The following TXNRD3 variants were observed in gnomAD, a reference collection of about 807,000 sequenced individuals.
The protein encoded by TXNRD3 is TXNRD3 neighbor gene protein.
TXNRD3 carries 68 observed loss-of-function variants against 78.2 expected under a neutral mutation model. That is an observed-to-expected ratio of 0.87 (90% CI 0.72 to 1.06). The LOEUF is 1.06. Among genes scored for constraint, TXNRD3 ranks in the 50% least tolerant of loss-of-function variants. The pLI is 0.00. For synonymous variants in TXNRD3, 296 were observed against 300.1 expected, an observed-to-expected ratio of 0.99 and a Z score of 0.14; for missense variants, 751 against 809.5, an observed-to-expected ratio of 0.93 and a Z score of 0.88.
chr3:126,615,142 T>C lies in TXNRD3; in HGVS notation c.1632+213A>G, dbSNP rs146511986. ...CTTGTAATTCAAGTGTCCTGACTTA[T>C]AGATTACACTTCCCTCTTTCCCAAC... On this transcript the variant is annotated intron_variant, in intron 13 of 15. Transcript: ENST00000524230. 1.1e-3 allele frequency among the ~76,000 whole-genome samples: 162 copies of C among 152,298 alleles called. 1 individual carries two copies. Among genetic ancestry groups the C allele is most frequent in the African/African-American group, 3.6e-3 (150 of 41,572 alleles).
At chr3:126,651,856 A>G (rs147319772) in intron 1 of TXNRD3, among the ~76,000 whole-genome samples, 69 of 152,324 alleles carry the variant, frequency 4.5e-4, no homozygotes, top group Non-Finnish European at 7.4e-4. Context: ...TAGGTATGAA[A>G]AGCATACTAT....
intron 10 of TXNRD3, among the ~76,000 whole-genome samples, chr3:126,627,694 G>A (rs1938610817): frequency 6.6e-6 from 1 of 152,096 alleles, no homozygotes; most frequent in South Asian, 2.1e-4. Flanking sequence ...AGTCTTAAAA[G>A]TCCTTTGACT....
At chr3:126,637,401 T>C (rs956525848) in intron 6 of TXNRD3, among the ~76,000 whole-genome samples, 3 of 152,218 alleles carry the variant, frequency 2.0e-5, no homozygotes, top group Non-Finnish European at 4.4e-5. Flanking sequence ...TTATCAGTTC[T>C]ATTTGGGAAG....
At chr3:126,631,988 G>A in intron 7 of TXNRD3, 109 bp from the exon 8 acceptor site, 1 of 686,474 alleles carries the variant, frequency 1.5e-6, no homozygotes, top group Admixed American at 2.6e-5. Flanking sequence ...AGCAACAGCA[G>A]ACATGTGAAA....
chr3:126,636,414 T>C (rs1278937759), intron 6 of TXNRD3, among the ~76,000 whole-genome samples: 6 of 152,236 alleles, frequency 3.9e-5, no homozygotes, highest in African/African-American at 9.6e-5. Flanking sequence ...TGTCTGATTC[T>C]TGACTTAATT....
chr3:126,620,346 G>C (rs1164995709), intron 12 of TXNRD3, among the ~76,000 whole-genome samples: 3 of 151,576 alleles, frequency 2.0e-5, no homozygotes, highest in Admixed American at 2.0e-4. Context: ...AGGAACAACT[G>C]GGGAAATTGA....
intron 6 of TXNRD3, among the ~76,000 whole-genome samples, chr3:126,638,361 T>G (rs1479121791): frequency 6.6e-6 from 1 of 152,214 alleles, no homozygotes; most frequent in Non-Finnish European, 1.5e-5. Context: ...TGACTTCTCT[T>G]GGCCCTTTAT....
In TXNRD3 at chr3:126,621,828, A is replaced by C; in HGVS notation, c.1438T>G (p.Leu480Val). 6.5e-7 allele frequency: 1 copy of C among 1,535,830 alleles called. No individual in the cohort carries two copies. Among genetic ancestry groups the C allele is most frequent in the Non-Finnish European group, 8.7e-7 (1 of 1,146,802 alleles). ...GGAGTGAGCTCTGGCTTATCCTCCA[A>C]AATATCACCAACAGCATAGACATAT... Residue 480 changes from leucine (L) to valine (V), a missense_variant, in exon 12 of 16, where the codon TTG (leucine) becomes GTG (valine). Physicochemically the swap from Leu to Val is conservative, Grantham distance 32. Coordinates refer to ENST00000524230, the MANE Select transcript of TXNRD3 (RefSeq NM_052883.3).
At chr3:126,654,202 G>T (rs1371268027) in intron 1 of TXNRD3, among the ~76,000 whole-genome samples, 2 of 152,062 alleles carry the variant, frequency 1.3e-5, no homozygotes, top group South Asian at 2.1e-4. Context: ...GAAAAACACA[G>T]CCTATAATTT....
Position 126,646,129 on chromosome 3 carries a change from T to C in TXNRD3, c.396A>G (p.Gly132=). 2 of 1,528,912 alleles carry C rather than the reference T, an allele frequency of 1.3e-6. No homozygotes were observed. 94.7% of individuals were successfully genotyped at this position (1,528,912 alleles called of 1,614,324 possible). A position where few individuals can be genotyped will look rare whatever the true frequency, so the allele number is the denominator to read the frequency against. The change falls in exon 3 of 16, where the codon GGA becomes GGG. Residue 132 remains glycine, a synonymous_variant. Coordinates refer to ENST00000524230, the MANE Select transcript of TXNRD3 (RefSeq NM_052883.3). ...TTATTACCTGGAAAGTTTGGTCACA[T>C]CCACCTACATGCACTTTATTCACGA...
chr3:126,645,249 TCA>T (rs1457660869), intron 3 of TXNRD3, among the ~76,000 whole-genome samples: 5 of 152,218 alleles, frequency 3.3e-5, no homozygotes, highest in African/African-American at 1.2e-4. Flanking sequence ...ATCCACCTCC[TCA>T]GAATCTGCCA....
In TXNRD3 at chr3:126,608,548, G is replaced by C; in HGVS notation, c.1814C>G (p.Thr605Arg). The C allele has an allele frequency of 6.5e-7, 1 of 1,535,908 alleles. No homozygotes were observed. Among genetic ancestry groups the C allele is most frequent in the Non-Finnish European group, 8.7e-7 (1 of 1,146,868 alleles). Reference sequence around the variant, plus strand: ...AATGGTGTCATCAAGTAGCTGTTTTGTGAGCCCACATTTCATTGCAGCTGC... The same window carrying C: ...AATGGTGTCATCAAGTAGCTGTTTTCTGAGCCCACATTTCATTGCAGCTGC... Residue 605 changes from threonine to arginine, a missense_variant, in exon 15 of 16, where the codon ACA (threonine) becomes AGA (arginine). Thr to Arg is a moderately conservative substitution (Grantham distance 71). Coordinates refer to ENST00000524230, the MANE Select transcript of TXNRD3 (RefSeq NM_052883.3).
intron 1 of TXNRD3, among the ~76,000 whole-genome samples, chr3:126,650,466 C>T (rs1310098315): frequency 1.3e-5 from 2 of 152,102 alleles, no homozygotes; most frequent in Non-Finnish European, 2.9e-5. Context: ...CATGGTGAAA[C>T]ACTGTCTGTA....
At chr3:126,637,951 T>C (rs1932948990) in intron 6 of TXNRD3, among the ~76,000 whole-genome samples, 1 of 127,378 alleles carries the variant, frequency 7.9e-6, no homozygotes. Context: ...TTTTTTTTTT[T>C]TTTTTTTTTT....
intron 10 of TXNRD3, among the ~76,000 whole-genome samples, chr3:126,627,272 T>C (rs1324620961): frequency 1.3e-5 from 2 of 152,138 alleles, no homozygotes; most frequent in African/African-American, 4.8e-5. Flanking sequence ...CCTAAAAACA[T>C]CAATCTGAAT....
chr3:126,654,759 G>A lies in TXNRD3; in HGVS notation c.232C>T (p.His78Tyr). Residue 78 changes from histidine (H) to tyrosine (Y), a missense_variant, in exon 1 of 16, where the codon CAT (histidine) becomes TAT (tyrosine). His to Tyr is a moderately conservative substitution (Grantham distance 83, BLOSUM62 2). Transcript: ENST00000524230. ...AGGGCCGCGCCTACCCGAGTACTAT[G>A]GGGACAGTAGCTCTTGCTGAAGATC... is the stretch of plus-strand genomic sequence containing the variant. 2.1e-6 allele frequency: 3 copies of A among 1,406,178 alleles called. No homozygotes were observed. The highest frequency in any genetic ancestry group is 2.0e-4 in the Middle Eastern group (1 of 4,978). The allele number at this position is 1,406,178 out of a possible 1,614,324, so 87.1% of individuals were successfully genotyped here.
In TXNRD3 at chr3:126,607,881, A is replaced by C; in HGVS notation, c.*24T>G. On this transcript the variant is annotated 3_prime_UTR_variant, in exon 16 of 16. Coordinates refer to ENST00000524230, the MANE Select transcript of TXNRD3 (RefSeq NM_052883.3). ...TCTTTGAGAGAAATGAGAATATGAC[A>C]AGGAGAACTAAACAGCAGCAGGCCT... The C allele has an allele frequency of 6.7e-7, 1 of 1,492,074 alleles. No homozygotes were observed. The highest frequency in any genetic ancestry group is 9.0e-7 in the Non-Finnish European group (1 of 1,114,710). 92.4% of individuals were successfully genotyped at this position (1,492,074 alleles called of 1,614,324 possible).
rs1219703914 is a variant in TXNRD3 at position 126,654,870 on chromosome 3, A to C, written c.121T>G (p.Ser41Ala). 1 of 1,333,256 alleles carries C rather than the reference A, an allele frequency of 7.5e-7. No homozygotes were observed. The highest frequency in any genetic ancestry group is 3.2e-5 in the East Asian group (1 of 31,512). The allele number at this position is 1,333,256 out of a possible 1,614,324, so 82.6% of individuals were successfully genotyped here. Residue 41 changes from serine (S) to alanine (A), a missense_variant, in exon 1 of 16, where the codon TCG becomes GCG. By Grantham distance (99) the Ser-to-Ala change is moderately conservative (BLOSUM62 1). Transcript: ENST00000524230. ...GACGAGCGGCTGGGCCCGGGGGACG[A>C]CAGGCGGGCACGGCGCCCCGGCGGC...
chr3:126,612,394 T>C (rs1938219314), intron 13 of TXNRD3, among the ~76,000 whole-genome samples: 2 of 152,166 alleles, frequency 1.3e-5, no homozygotes, highest in Middle Eastern at 6.3e-3. Flanking sequence ...GAAATAGACA[T>C]ATTTCTTTAT....
Sources: gnomAD v4.1 joint callset for allele counts (sites outside exome capture counted in the v4.1 genomes callset) on GRCh38, gnomAD v4.1.1 for gene constraint, MANE v1.5 for transcripts, NCBI Gene and HGNC (gene_info 2026-07-23, HGNC 2026-07-21) for gene names.